Variants in MSRA observed in about 807,000 individuals in gnomAD.
The protein encoded by MSRA is mitochondrial peptide methionine sulfoxide reductase.
A neutral mutation model predicts 31.3 loss-of-function variants in MSRA; 54 were observed. The observed-to-expected ratio is 1.73, with a 90% CI of 1.39 to 2.17. MSRA has a LOEUF of 2.17. Among genes scored for constraint, MSRA ranks in the 30% most tolerant of loss-of-function variants. The pLI is 0.00. For missense variants in MSRA, 507 were observed against 300.9 expected (o/e 1.69, Z -5.07); for synonymous variants, 169 against 116.5 (o/e 1.45, Z -2.90).
chr8:10,270,424 C>G (rs1225452404), intron 3 of MSRA, among the ~76,000 whole-genome samples: 8 of 136,162 alleles, frequency 5.9e-5, no homozygotes, highest in African/African-American at 8.1e-5. Context: ...AAAAAAAAAA[C>G]TATCCTCTAC....
intron 4 of MSRA, among the ~76,000 whole-genome samples, chr8:10,316,880 G>A (rs1219153741): frequency 1.3e-5 from 2 of 152,086 alleles, no homozygotes; most frequent in Admixed American, 6.5e-5. Context: ...TTTTCACAGA[G>A]ACCCTACTTT....
At chr8:10,390,725 G>T (rs185766535) in intron 5 of MSRA, among the ~76,000 whole-genome samples, 1 of 152,154 alleles carries the variant, frequency 6.6e-6, no homozygotes, top group African/African-American at 2.4e-5. Context: ...CTGATGAGGG[G>T]ATGGGCACTG....
chr8:10,229,411 C>T (rs1376082926), intron 2 of MSRA, among the ~76,000 whole-genome samples: 1 of 152,164 alleles, frequency 6.6e-6, no homozygotes, highest in African/African-American at 2.4e-5. Flanking sequence ...TCCAGAGAGG[C>T]TGCTATGAGG....
chr8:10,054,384 G>GCCC lies in MSRA; in HGVS notation c.-131_-129dup. On this transcript the variant is annotated 5_prime_UTR_variant, in exon 1 of 6. Transcript: ENST00000317173. ...GGCGGCCTCCAGCCCCGCCAGCAGC[G>GCCC]CCCCGCGCCCGCCCGCCCGCGCCCC... The GCCC allele has an allele frequency of 2.5e-6, 2 of 805,520 alleles. No individual in the cohort carries two copies. The highest frequency in any genetic ancestry group is 3.4e-6 in the Non-Finnish European group (2 of 595,922). 49.9% of individuals were successfully genotyped at this position (805,520 alleles called of 1,614,324 possible).
chr8:10,421,313 A>G (rs574588347), intron 5 of MSRA, among the ~76,000 whole-genome samples: 7 of 152,250 alleles, frequency 4.6e-5, no homozygotes, highest in Admixed American at 4.6e-4. Flanking sequence ...AGAAGCCTAC[A>G]TTTTAGTCAA....
intron 5 of MSRA, among the ~76,000 whole-genome samples, chr8:10,368,562 G>C (rs1805298515): frequency 6.6e-6 from 1 of 152,226 alleles, no homozygotes; most frequent in African/African-American, 2.4e-5. Context: ...CCCAGTCCTG[G>C]TTGCCTCTAG....
At chr8:10,155,420 G>A (rs937734301) in intron 1 of MSRA, among the ~76,000 whole-genome samples, 13 of 152,168 alleles carry the variant, frequency 8.5e-5, no homozygotes, top group African/African-American at 3.1e-4. Flanking sequence ...TGTATCAACT[G>A]AAGAGCCTAG....
chr8:10,169,691 A>G (rs1334307201), intron 1 of MSRA, among the ~76,000 whole-genome samples: 3 of 152,260 alleles, frequency 2.0e-5, no homozygotes, highest in African/African-American at 7.2e-5. Context: ...GCCCATGTTC[A>G]TTCCCAAGCA....
intron 1 of MSRA, among the ~76,000 whole-genome samples, chr8:10,096,675 T>G (rs1799177737): frequency 6.6e-6 from 1 of 152,208 alleles, no homozygotes; most frequent in Non-Finnish European, 1.5e-5. Flanking sequence ...TAATACTACC[T>G]GGTGTTTTAC....
chr8:10,294,597 G>T (rs576306423), intron 3 of MSRA, among the ~76,000 whole-genome samples: 2 of 152,294 alleles, frequency 1.3e-5, no homozygotes, highest in East Asian at 3.9e-4. Context: ...CTTTGGTCTG[G>T]GTGGTGCCCA....
chr8:10,207,830 TAGCCAAACA>T lies in MSRA; in HGVS notation c.143-2_149del. 1 of 1,603,688 alleles carries T rather than the reference TAGCCAAACA, an allele frequency of 6.2e-7. No homozygotes were observed. The highest frequency in any genetic ancestry group is 8.5e-7 in the Non-Finnish European group (1 of 1,175,668). On this transcript the variant is annotated splice_acceptor_variant and coding_sequence_variant, in exon 2 of 6. Transcript: ENST00000317173. LOFTEE classifies it high-confidence loss of function. ...ACTTGCATTTCTTTTTTTTTTTTTC[TAGCCAAACA>T]TCATGTCAATGGCAACAGAACAGTC...
chr8:10,283,902 T>A, intron 3 of MSRA, among the ~76,000 whole-genome samples: 1 of 147,222 alleles, frequency 6.8e-6, no homozygotes, highest in Non-Finnish European at 1.5e-5. Flanking sequence ...TACTCATTGA[T>A]TGATGGGCAT....
intron 1 of MSRA, among the ~76,000 whole-genome samples, chr8:10,171,533 A>G (rs1805588733): frequency 6.6e-6 from 1 of 152,214 alleles, no homozygotes; most frequent in Non-Finnish European, 1.5e-5. Flanking sequence ...GTTACTACTG[A>G]GTAAAATGTA....
intron 5 of MSRA, among the ~76,000 whole-genome samples, chr8:10,424,175 A>G (rs1419901834): frequency 6.6e-6 from 1 of 152,238 alleles, no homozygotes; most frequent in Non-Finnish European, 1.5e-5. Context: ...CCTGCGATGG[A>G]AAAGAGGAAA....
At chr8:10,409,943 C>T (rs547376763) in intron 5 of MSRA, among the ~76,000 whole-genome samples, 1 of 152,220 alleles carries the variant, frequency 6.6e-6, no homozygotes, top group South Asian at 2.1e-4. Flanking sequence ...GTCTCTAGTC[C>T]CAGCTACTTG....
intron 5 of MSRA, among the ~76,000 whole-genome samples, chr8:10,408,278 T>C (rs962461786): frequency 6.6e-6 from 1 of 152,182 alleles, no homozygotes; most frequent in African/African-American, 2.4e-5. Context: ...GGCTCATGCT[T>C]GTAATCCCAG....
At chr8:10,170,773 T>G (rs1481037776) in intron 1 of MSRA, among the ~76,000 whole-genome samples, 1 of 152,200 alleles carries the variant, frequency 6.6e-6, no homozygotes, top group Non-Finnish European at 1.5e-5. Flanking sequence ...TTGCAGGAAC[T>G]GAGGGACAAC....
chr8:10,120,386 T>G (rs933076291), intron 1 of MSRA, among the ~76,000 whole-genome samples: 2 of 152,138 alleles, frequency 1.3e-5, no homozygotes, highest in Non-Finnish European at 2.9e-5. Context: ...AGACCTGTAA[T>G]TTGCCCATCC....
At chr8:10,183,502 A>G (rs1806730295) in intron 1 of MSRA, among the ~76,000 whole-genome samples, 1 of 152,188 alleles carries the variant, frequency 6.6e-6, no homozygotes, top group African/African-American at 2.4e-5. Context: ...AGCTACAGTC[A>G]GGGGCAGACC....
Sources: allele counts gnomAD v4.1 joint callset (sites outside exome capture counted in the v4.1 genomes callset), GRCh38; gene constraint gnomAD v4.1.1; transcripts MANE v1.5; gene names NCBI Gene and HGNC (gene_info 2026-07-23, HGNC 2026-07-21).